The following GREM2 variants were observed in gnomAD, a reference collection of about 807,000 sequenced individuals.
GREM2 encodes gremlin-2.
A neutral mutation model predicts 14.2 loss-of-function variants in GREM2; 11 were observed. The observed-to-expected ratio is 0.78, with a 90% CI of 0.49 to 1.28. GREM2 has a LOEUF of 1.28. GREM2 is among the 50% of genes most tolerant of loss of function. The pLI, the probability that GREM2 is intolerant of heterozygous loss-of-function variation, is 0.00. For missense variants in GREM2, 210 were observed against 218.5 expected, an observed-to-expected ratio of 0.96 and a Z score of 0.24; for synonymous variants, 98 against 97.6, an observed-to-expected ratio of 1.00 and a Z score of -0.02.
intron 1 of GREM2, among the ~76,000 whole-genome samples, chr1:240,525,769 G>A (rs986708410): frequency 6.6e-6 from 1 of 152,248 alleles, no homozygotes; most frequent in East Asian, 1.9e-4. Context: ...GTGAGCCACC[G>A]CGCCCAGTTC....
chr1:240,583,250 G>C (rs776407667), intron 1 of GREM2, among the ~76,000 whole-genome samples: 3 of 151,976 alleles, frequency 2.0e-5, no homozygotes, highest in African/African-American at 7.3e-5. Flanking sequence ...TTAATCTCAT[G>C]GAGGAAAAAA....
intron 1 of GREM2, among the ~76,000 whole-genome samples, chr1:240,597,632 T>A (rs1350265380): frequency 5.3e-5 from 8 of 152,218 alleles, no homozygotes; most frequent in Non-Finnish European, 1.0e-4. Context: ...GGACTAGGTC[T>A]TATGCTTTTT....
rs894774215 is a variant in GREM2 at position 240,572,600 on chromosome 1, G to T, written c.-2+39284C>A. ...TGGACTTGAAGCTAATGATTATAGG[G>T]AGTTAAAACCAAACTATTTTCTTCC... On this transcript the variant is annotated intron_variant, in intron 1 of 1. Transcript: ENST00000318160. Among the ~76,000 whole-genome samples the T allele has an allele frequency of 2.6e-5, 4 of 152,284 alleles. No individual in the cohort carries two copies. The Middle Eastern group carries it at 0.014, about 518-fold the overall frequency.
chr1:240,511,846 CTG>C (rs1292934016), intron 1 of GREM2, among the ~76,000 whole-genome samples: 2 of 152,142 alleles, frequency 1.3e-5, no homozygotes, highest in Non-Finnish European at 2.9e-5. Flanking sequence ...CTAAGAATGA[CTG>C]TATCTGTTTA....
intron 1 of GREM2, among the ~76,000 whole-genome samples, chr1:240,582,859 T>G (rs531488716): frequency 1.3e-5 from 2 of 151,060 alleles, no homozygotes; most frequent in African/African-American, 4.9e-5. Context: ...GGAACAAAAT[T>G]TTTTTAAAGT....
chr1:240,491,759 T>C lies in GREM2; in HGVS notation c.*1210A>G, dbSNP rs975942171. 6.6e-6 allele frequency: 1 copy of C among 152,652 alleles called. No homozygotes were observed. The highest frequency in any genetic ancestry group is 1.5e-5 in the Non-Finnish European group (1 of 68,046). The allele number at this position is 152,652 out of a possible 1,614,324, so 9.5% of individuals were successfully genotyped here. A position where few individuals can be genotyped will look rare whatever the true frequency, so the allele number is the denominator to read the frequency against. On this transcript the variant is annotated 3_prime_UTR_variant, in exon 2 of 2. Coordinates refer to ENST00000318160, the MANE Select transcript of GREM2 (RefSeq NM_022469.4). ...AACAGGAAATATTTTTTGCCTAGTG[T>C]CATGGCAGTGAAAGTAGTATACGGT...
intron 1 of GREM2, among the ~76,000 whole-genome samples, chr1:240,610,211 T>C (rs1280759303): frequency 6.6e-6 from 1 of 152,202 alleles, no homozygotes; most frequent in African/African-American, 2.4e-5. Flanking sequence ...AAAACAACTC[T>C]TTACCAATAG....
At chr1:240,508,099 TA>T in intron 1 of GREM2, among the ~76,000 whole-genome samples, 1 of 152,300 alleles carries the variant, frequency 6.6e-6, no homozygotes, top group Non-Finnish European at 1.5e-5. Flanking sequence ...CTCAAATAAT[TA>T]ACCTTCTCCT....
chr1:240,556,896 C>T (rs1304607263), intron 1 of GREM2, among the ~76,000 whole-genome samples: 1 of 151,986 alleles, frequency 6.6e-6, no homozygotes, highest in Non-Finnish European at 1.5e-5. Context: ...GATGTCTGGG[C>T]GTGGTGGCTC....
intron 1 of GREM2, chr1:240,531,757 G>GGA (rs1224619406): frequency 1.2e-6 from 1 of 838,566 alleles, no homozygotes; most frequent in Non-Finnish European, 1.4e-6. Context: ...TGCCCAGACT[G>GGA]GAGAGCAATG....
chr1:240,513,436 G>T (rs1171289306), intron 1 of GREM2, among the ~76,000 whole-genome samples: 2 of 152,042 alleles, frequency 1.3e-5, no homozygotes, highest in Non-Finnish European at 2.9e-5. Flanking sequence ...TTAGCTGGGC[G>T]TGGTGGCATG....
chr1:240,510,412 C>T (rs1365636643), intron 1 of GREM2, among the ~76,000 whole-genome samples: 2 of 141,236 alleles, frequency 1.4e-5, no homozygotes, highest in Non-Finnish European at 3.0e-5. Context: ...AAATGGTATC[C>T]GGAATATGTC....
At chr1:240,535,119 A>G (rs1678447452) in intron 1 of GREM2, among the ~76,000 whole-genome samples, 1 of 152,200 alleles carries the variant, frequency 6.6e-6, no homozygotes, top group South Asian at 2.1e-4. Context: ...GTTAAATATA[A>G]TTATAAAGAC....
intron 1 of GREM2, among the ~76,000 whole-genome samples, chr1:240,570,277 C>T (rs1300966517): frequency 3.3e-5 from 5 of 152,108 alleles, no homozygotes; most frequent in Non-Finnish European, 2.9e-5. Flanking sequence ...TCCTGGCCAA[C>T]ATGGTGAAAC....
chr1:240,490,613 G>A lies in GREM2; in HGVS notation c.*2356C>T, dbSNP rs1432036024. Reference sequence around the variant, plus strand: ...AAAACAAAAAAATTAAATACAATTTGAGCCATTATAAGGTAAACTTTGTAC... The same window carrying A: ...AAAACAAAAAAATTAAATACAATTTAAGCCATTATAAGGTAAACTTTGTAC... On this transcript the variant is annotated 3_prime_UTR_variant, in exon 2 of 2. Coordinates refer to ENST00000318160, the MANE Select transcript of GREM2 (RefSeq NM_022469.4). The A allele has an allele frequency of 6.6e-6, 1 of 152,490 alleles. No homozygotes were observed. The highest frequency in any genetic ancestry group is 1.9e-4 in the East Asian group (1 of 5,188). 9.4% of individuals were successfully genotyped at this position (152,490 alleles called of 1,614,324 possible).
rs1013931520 is a variant in GREM2 at position 240,542,730 on chromosome 1, A to T, written c.-1-49254T>A. On this transcript the variant is annotated intron_variant, in intron 1 of 1. Coordinates refer to ENST00000318160, the MANE Select transcript of GREM2 (RefSeq NM_022469.4). The surrounding 1 kb of genome is among the most constrained non-coding windows in gnomAD (Gnocchi z 4.1). ...ACTCAGTTTTGACAGAATTTGAATT[A>T]TCTGATGGTTTGGCATAAGAAGATT... 6.6e-6 allele frequency among the ~76,000 whole-genome samples: 1 copy of T among 152,138 alleles called. No individual in the cohort carries two copies. Among genetic ancestry groups the T allele is most frequent in the African/African-American group, 2.4e-5 (1 of 41,446 alleles).
intron 1 of GREM2, among the ~76,000 whole-genome samples, chr1:240,584,806 T>C (rs766201099): frequency 1.3e-5 from 2 of 152,190 alleles, no homozygotes; most frequent in Non-Finnish European, 2.9e-5. Flanking sequence ...ATTTAAAGTA[T>C]GTGAGAGGAA....
At position 240,567,942 on chromosome 1, in the gene GREM2, C is replaced by T. The variant is rs141408501; in HGVS notation, c.-2+43942G>A. 4.6e-3 allele frequency among the ~76,000 whole-genome samples: 696 copies of T among 152,194 alleles called. 8 individuals carry two copies. Among genetic ancestry groups the T allele is most frequent in the African/African-American group, 0.016 (667 of 41,532 alleles). ...TGGCCAACATGGTAAAACCCTGTCT[C>T]TACTAAAAATACAAAAATTAGCCAG... On this transcript the variant is annotated intron_variant, in intron 1 of 1. Coordinates refer to ENST00000318160, the MANE Select transcript of GREM2 (RefSeq NM_022469.4).
At chr1:240,567,545 C>T (rs924253659) in intron 1 of GREM2, among the ~76,000 whole-genome samples, 1 of 151,962 alleles carries the variant, frequency 6.6e-6, no homozygotes, top group Non-Finnish European at 1.5e-5. Flanking sequence ...AGCAAAAACC[C>T]GATAAACCTA....
Sources: allele counts gnomAD v4.1 joint callset (sites outside exome capture counted in the v4.1 genomes callset), GRCh38; gene constraint gnomAD v4.1.1; non-coding constraint Gnocchi (gnomAD v3.1); transcripts MANE v1.5; gene names NCBI Gene and HGNC (gene_info 2026-07-23, HGNC 2026-07-21).